The following CLVS1 variants were observed in gnomAD, a reference collection of about 807,000 sequenced individuals.
The protein encoded by CLVS1 is clavesin-1.
Under a neutral mutation model 33.1 loss-of-function variants are expected in CLVS1, and 10 were observed. The observed-to-expected ratio is 0.30, with a 90% CI of 0.19 to 0.51. CLVS1 has a LOEUF of 0.51. Ranked by LOEUF, CLVS1 falls within the 20% of genes least tolerant of loss-of-function variation. CLVS1 has a pLI of 0.97. For synonymous variants in CLVS1, 163 were observed against 166.1 expected, an observed-to-expected ratio of 0.98 and a Z score of 0.14; for missense variants, 343 against 433.4, an observed-to-expected ratio of 0.79 and a Z score of 1.85.
chr8:61,306,849 A>G (rs1383941258), intron 2 of CLVS1, among the ~76,000 whole-genome samples: 2 of 152,200 alleles, frequency 1.3e-5, no homozygotes, highest in African/African-American at 2.4e-5. Flanking sequence ...ATTTGAGGCC[A>G]TTACCAGGTT....
intron 5 of CLVS1, among the ~76,000 whole-genome samples, chr8:61,460,810 G>A (rs1817341489): frequency 6.6e-6 from 1 of 152,218 alleles, no homozygotes; most frequent in Non-Finnish European, 1.5e-5. Flanking sequence ...TTTGACTAGA[G>A]CACTGCCACC....
chr8:61,167,206 T>C (rs986445801), intron 2 of CLVS1, among the ~76,000 whole-genome samples: 1 of 150,644 alleles, frequency 6.6e-6, no homozygotes, highest in African/African-American at 2.4e-5. Context: ...TTTTTTTTTT[T>C]TTTTTGAGAC....
intron 2 of CLVS1, among the ~76,000 whole-genome samples, chr8:61,211,853 C>A (rs780274672): frequency 6.6e-6 from 1 of 152,152 alleles, no homozygotes; most frequent in Non-Finnish European, 1.5e-5. Context: ...GAGAAAAGAG[C>A]TTTGAAGCAG....
At chr8:61,457,710 T>A (rs1817217591) in intron 4 of CLVS1, among the ~76,000 whole-genome samples, 1 of 152,100 alleles carries the variant, frequency 6.6e-6, no homozygotes, top group African/African-American at 2.4e-5. Flanking sequence ...ACCAACTTTT[T>A]CTCTAGATAT....
chr8:61,458,695 T>G lies in CLVS1; in HGVS notation c.977+153T>G, dbSNP rs114155165. On this transcript the variant is annotated intron_variant, in intron 5 of 5. Coordinates refer to ENST00000325897, the MANE Select transcript of CLVS1 (RefSeq NM_173519.3). ...CATTCTCAGCTGATTTCACTAAAAC[T>G]GAAAACAAATGGGGCTTGGCTGGCC... 2,196 of 594,244 alleles carry G rather than the reference T, an allele frequency of 3.7e-3. 46 individuals carry two copies. Among genetic ancestry groups the G allele is most frequent in the African/African-American group, 0.037 (1,966 of 53,736 alleles). 36.8% of individuals were successfully genotyped at this position (594,244 alleles called of 1,614,324 possible).
chr8:61,321,638 G>A (rs1229878332), intron 2 of CLVS1, among the ~76,000 whole-genome samples: 1 of 152,114 alleles, frequency 6.6e-6, no homozygotes, highest in Non-Finnish European at 1.5e-5. Flanking sequence ...TTCAGCAGTA[G>A]TGCTATACAG....
chr8:61,400,335 C>T (rs79281745), intron 3 of CLVS1, among the ~76,000 whole-genome samples: 1 of 152,006 alleles, frequency 6.6e-6, no homozygotes, highest in African/African-American at 2.4e-5. Context: ...TCTCAACTTG[C>T]CTGTTGTTGG....
chr8:61,292,283 C>T (rs1323720029), intron 1 of CLVS1: 1 of 455,702 alleles, frequency 2.2e-6, no homozygotes, highest in East Asian at 6.9e-5. Context: ...TCCCACCTCA[C>T]CCTTAAGCTT....
chr8:61,455,849 T>A (rs931427802), intron 4 of CLVS1, among the ~76,000 whole-genome samples: 1 of 152,172 alleles, frequency 6.6e-6, no homozygotes, highest in East Asian at 1.9e-4. Context: ...GGTTTCTAAC[T>A]CCTAGATCTC....
Position 61,338,760 on chromosome 8 carries a change from A to AC in CLVS1, c.456-37839dup, listed in dbSNP as rs140335175. 3.3e-5 allele frequency among the ~76,000 whole-genome samples: 5 copies of AC among 151,422 alleles called. No individual in the cohort carries two copies. In the East Asian group the frequency reaches 5.8e-4, roughly 18 times the overall value. Reference sequence around the variant, plus strand: ...TCAGGGCTGACAAACACGCCGAGGGACCCCCCAACCTTCCCCTGCCCCCTG... The same window carrying AC: ...TCAGGGCTGACAAACACGCCGAGGGACCCCCCCAACCTTCCCCTGCCCCCTG... On this transcript the variant is annotated intron_variant, in intron 2 of 5. Transcript: ENST00000325897.
At chr8:61,345,671 T>TGTGTGTG in intron 2 of CLVS1, among the ~76,000 whole-genome samples, 1 of 149,678 alleles carries the variant, frequency 6.7e-6, no homozygotes, top group Admixed American at 6.7e-5. Context: ...TGTGTGTGTG[T>TGTGTGTG]TTGGTTTGAC....
chr8:61,285,886 G>A (rs1809766564), upstream of CLVS1, among the ~76,000 whole-genome samples: 2 of 151,946 alleles, frequency 1.3e-5, no homozygotes, highest in African/African-American at 4.8e-5. Context: ...CCAAGAAAAT[G>A]TGTGAGGAAT....
intron 2 of CLVS1, among the ~76,000 whole-genome samples, chr8:61,243,659 A>T (rs1230919378): frequency 6.6e-6 from 1 of 152,118 alleles, no homozygotes; most frequent in African/African-American, 2.4e-5. Flanking sequence ...GTGATTTTTT[A>T]ATGTCTGTAG....
intron 2 of CLVS1, among the ~76,000 whole-genome samples, chr8:61,311,794 A>G (rs748899670): frequency 6.6e-6 from 1 of 152,212 alleles, no homozygotes; most frequent in Non-Finnish European, 1.5e-5. Context: ...GGGCCTAAGA[A>G]TAACTTCTTC....
At chr8:60,999,849 G>T in the CLVS1 span, among the ~76,000 whole-genome samples, 1 of 152,202 alleles carries the variant, frequency 6.6e-6, no homozygotes, top group African/African-American at 2.4e-5. Context: ...GCTGATGGGT[G>T]GGAGGGAGGT....
intron 5 of CLVS1, among the ~76,000 whole-genome samples, chr8:61,478,047 T>C (rs995863014): frequency 6.6e-6 from 1 of 152,236 alleles, no homozygotes; most frequent in African/African-American, 2.4e-5. Context: ...AAAGAACATC[T>C]TTACTTCTGC....
intron 2 of CLVS1, among the ~76,000 whole-genome samples, chr8:61,146,586 G>A (rs1277766544): frequency 1.3e-5 from 2 of 152,212 alleles, no homozygotes; most frequent in East Asian, 1.9e-4. Context: ...CATGTAGCAT[G>A]GTGAAATAAA....
At chr8:61,248,334 G>A (rs190455690) in intron 2 of CLVS1, among the ~76,000 whole-genome samples, 19 of 152,176 alleles carry the variant, frequency 1.2e-4, no homozygotes, top group Non-Finnish European at 2.2e-4. Flanking sequence ...AATGTCACTG[G>A]TACTTTGATA....
chr8:61,015,083 A>G, the CLVS1 span, among the ~76,000 whole-genome samples: 6 of 152,254 alleles, frequency 3.9e-5, no homozygotes, highest in African/African-American at 1.4e-4. Context: ...TTTTGGTCCC[A>G]AAAAGCATGG....
Sources: allele counts gnomAD v4.1 joint callset (sites outside exome capture counted in the v4.1 genomes callset), GRCh38; gene constraint gnomAD v4.1.1; transcripts MANE v1.5; gene names NCBI Gene and HGNC (gene_info 2026-07-23, HGNC 2026-07-21).